Variants in C20orf203 observed in about 807,000 individuals in gnomAD.
The protein encoded by C20orf203 is chromosome 20 open reading frame 203, also known as uncharacterized protein C20orf203.
In C20orf203, 16 loss-of-function variants were observed where a neutral mutation model predicts 15.9. The ratio of observed to expected loss-of-function variants is 1.01; its 90% CI spans 0.68 to 1.53. The LOEUF (loss-of-function observed/expected upper bound fraction) is 1.53, where lower values mean the gene tolerates loss of function less well. Ranked by LOEUF, C20orf203 falls within the 40% of genes most tolerant of loss-of-function variation. The pLI, the probability that C20orf203 is intolerant of heterozygous loss-of-function variation, is 0.00. For missense variants in C20orf203, 263 were observed against 247.5 expected, an observed-to-expected ratio of 1.06 and a Z score of -0.42; for synonymous variants, 98 against 97.2, an observed-to-expected ratio of 1.01 and a Z score of -0.05.
At chr20:32,659,978 G>A (rs1347192945) in intron 1 of C20orf203, among the ~76,000 whole-genome samples, 4 of 152,180 alleles carry the variant, frequency 2.6e-5, no homozygotes. Flanking sequence ...AACCTGGGGA[G>A]TGTGTGTCAG....
chr20:32,650,563 G>C lies in C20orf203; in HGVS notation c.454C>G (p.Leu152Val). ...MGTVGDFGQA[L>V]SSLAWTSTCF... Reference sequence around the variant, plus strand: ...GTTGAGGTCCAGGCCAGCGAGGACAGAGCTTGGCCAAAGTCCCCCACCGTG... The same window carrying C: ...GTTGAGGTCCAGGCCAGCGAGGACACAGCTTGGCCAAAGTCCCCCACCGTG... Residue 152 changes from leucine (L) to valine (V), a missense_variant, in exon 4 of 6, where the codon CTG becomes GTG. Leu to Val is a conservative substitution (Grantham distance 32). Coordinates refer to ENST00000608990, the MANE Select transcript of C20orf203 (RefSeq NM_182584.4). The C allele has an allele frequency of 6.5e-7, 1 of 1,549,012 alleles. No homozygotes were observed. Among genetic ancestry groups the C allele is most frequent in the Non-Finnish European group, 8.7e-7 (1 of 1,145,532 alleles).
Position 32,650,826 on chromosome 20 carries a change from G to A in C20orf203, c.191C>T (p.Ala64Val), listed in dbSNP as rs975105202. 4.7e-5 allele frequency: 69 copies of A among 1,472,580 alleles called. 1 individual carries two copies. The East Asian group carries it at 1.3e-3, about 28-fold the overall frequency. 91.2% of individuals were successfully genotyped at this position (1,472,580 alleles called of 1,614,324 possible). ...CTGAGCCTTTGAGGTCCTCCTTCCC[G>A]CCCCACCGCCAAGGTCCCAGAGGTG... ...TAHLWDLGGG[A>V]GRRTSKAQRV... The change falls in exon 4 of 6, where the codon GCG becomes GTG. Residue 64 changes from alanine to valine, a missense_variant. Ala to Val is a moderately conservative substitution (Grantham distance 64). Coordinates refer to ENST00000608990, the MANE Select transcript of C20orf203 (RefSeq NM_182584.4).
rs1476796846 is a variant in C20orf203, at chr20:32,659,758, C to A, written c.-263-7777G>T. Among the ~76,000 whole-genome samples the A allele has an allele frequency of 3.9e-5, 6 of 152,256 alleles. No individual in the cohort carries two copies. The East Asian group carries it at 1.2e-3, about 29-fold the overall frequency. On this transcript the variant is annotated intron_variant, in intron 1 of 5. Coordinates refer to ENST00000608990, the MANE Select transcript of C20orf203 (RefSeq NM_182584.4). ...ACTGTGTGGCAGGAAGAGGTGCAAG[C>A]CAGAGCCTGTGCTCTCAGCTGCCAT...
intron 1 of C20orf203, among the ~76,000 whole-genome samples, chr20:32,671,708 G>A (rs560071858): frequency 1.2e-4 from 18 of 151,916 alleles, no homozygotes; most frequent in East Asian, 1.2e-3. Flanking sequence ...GCGTGGTGGC[G>A]CACACCTATA....
At chr20:32,652,154 C>G (rs1982644828) in intron 1 of C20orf203, among the ~76,000 whole-genome samples, 173 bp from the exon 2 acceptor site, 1 of 151,686 alleles carries the variant, frequency 6.6e-6, no homozygotes, top group African/African-American at 2.4e-5. Flanking sequence ...ACTAAAAATA[C>G]AAAAATTAGC....
chr20:32,636,844 G>A (rs1454329422), intron 5 of C20orf203, among the ~76,000 whole-genome samples: 1 of 152,186 alleles, frequency 6.6e-6, no homozygotes, highest in African/African-American at 2.4e-5. Flanking sequence ...GTCTGCCCAG[G>A]ACTGCCCAGT....
At position 32,634,197 on chromosome 20, in the gene C20orf203, G is replaced by A; in HGVS notation, c.*1373C>T. 2.5e-6 allele frequency: 1 copy of A among 398,626 alleles called. No homozygotes were observed. The highest frequency in any genetic ancestry group is 4.4e-6 in the Non-Finnish European group (1 of 226,108). The allele number at this position is 398,626 out of a possible 1,614,324, so 24.7% of individuals were successfully genotyped here. A position where few individuals can be genotyped will look rare whatever the true frequency, so the allele number is the denominator to read the frequency against. ...GCGCAGGCACGGGCTGCTGGGGCTT[G>A]AGTTCAGGGGTTGGGGGGAGGTTCC... On this transcript the variant is annotated 3_prime_UTR_variant, in exon 6 of 6. Coordinates refer to ENST00000608990, the MANE Select transcript of C20orf203 (RefSeq NM_182584.4).
chr20:32,672,442 G>T (rs866225266), intron 1 of C20orf203, among the ~76,000 whole-genome samples: 1 of 151,554 alleles, frequency 6.6e-6, no homozygotes, highest in African/African-American at 2.4e-5. Context: ...GTGTGGTGGC[G>T]CATGCCTGTA....
At chr20:32,658,882 T>TC (rs1427335979) in intron 1 of C20orf203, among the ~76,000 whole-genome samples, 1 of 146,060 alleles carries the variant, frequency 6.8e-6, no homozygotes, top group African/African-American at 2.5e-5. Context: ...CCACTTCTCT[T>TC]TTTTTTTTTT....
chr20:32,646,202 C>G (rs1299568611), intron 4 of C20orf203, among the ~76,000 whole-genome samples: 4 of 108,200 alleles, frequency 3.7e-5, no homozygotes, highest in African/African-American at 1.4e-4. Flanking sequence ...TTTTTTGAGA[C>G]AAAGTCTCGC....
At chr20:32,653,641 G>C (rs1477746882) in intron 1 of C20orf203, among the ~76,000 whole-genome samples, 1 of 152,156 alleles carries the variant, frequency 6.6e-6, no homozygotes, top group African/African-American at 2.4e-5. Context: ...CTTTCCCCAA[G>C]ACCAGGAACA....
chr20:32,640,710 C>CAAACAAAAA (rs1422415307), intron 4 of C20orf203, 23 bp from the exon 5 acceptor site: 1 of 151,824 alleles, frequency 6.6e-6, no homozygotes, highest in African/African-American at 2.4e-5. Flanking sequence ...AAAAAACAAA[C>CAAACAAAAA]AAACAAAAAA....
chr20:32,660,799 T>C (rs1253143523), intron 1 of C20orf203, among the ~76,000 whole-genome samples: 1 of 152,100 alleles, frequency 6.6e-6, no homozygotes, highest in African/African-American at 2.4e-5. Flanking sequence ...TCAGCAAACT[T>C]ACAATCATGG....
At chr20:32,642,110 G>A (rs1982299430) in intron 4 of C20orf203, among the ~76,000 whole-genome samples, 1 of 152,162 alleles carries the variant, frequency 6.6e-6, no homozygotes, top group Non-Finnish European at 1.5e-5. Context: ...CAAAGTGCTG[G>A]GATTACAGGT....
intron 1 of C20orf203, among the ~76,000 whole-genome samples, chr20:32,664,194 C>G (rs1027073639): frequency 4.6e-5 from 7 of 152,182 alleles, no homozygotes; most frequent in Non-Finnish European, 1.0e-4. Flanking sequence ...GGTGAGGGCC[C>G]TGGGTGCTGA....
At chr20:32,667,468 C>T (rs949413549) in intron 1 of C20orf203, among the ~76,000 whole-genome samples, 6 of 152,164 alleles carry the variant, frequency 3.9e-5, no homozygotes, top group African/African-American at 1.2e-4. Flanking sequence ...CAGGCCTGGC[C>T]GTCTGCTTTT....
intron 1 of C20orf203, among the ~76,000 whole-genome samples, chr20:32,652,991 C>G (rs1163520671): frequency 6.6e-6 from 1 of 152,320 alleles, no homozygotes; most frequent in South Asian, 2.1e-4. Context: ...GGTCTAGCCA[C>G]AGGAAGTCTG....
intron 1 of C20orf203, among the ~76,000 whole-genome samples, chr20:32,671,898 G>A (rs1179923063): frequency 6.6e-6 from 1 of 151,476 alleles, no homozygotes; most frequent in Non-Finnish European, 1.5e-5. Context: ...CAGGGGCTGA[G>A]GGGGAGTGGG....
At chr20:32,656,254 A>G (rs1453112106) in intron 1 of C20orf203, among the ~76,000 whole-genome samples, 1 of 152,252 alleles carries the variant, frequency 6.6e-6, no homozygotes, top group Non-Finnish European at 1.5e-5. Flanking sequence ...CATTTCTCCA[A>G]AGAAGACATA....
Sources: gnomAD v4.1 joint callset for allele counts (sites outside exome capture counted in the v4.1 genomes callset) on GRCh38, gnomAD v4.1.1 for gene constraint, MANE v1.5 for transcripts, NCBI Gene and HGNC (gene_info 2026-07-23, HGNC 2026-07-21) for gene names.